Variants in SCUBE1 observed in about 807,000 individuals in gnomAD.
SCUBE1 encodes the protein signal peptide, CUB domain and EGF like domain containing 1, also known as signal peptide, CUB and EGF-like domain-containing protein 1.
Under a neutral mutation model 124.4 loss-of-function variants are expected in SCUBE1, and 59 were observed. That is an observed-to-expected ratio of 0.47 (90% CI 0.38 to 0.59). The LOEUF is 0.59. SCUBE1 is among the 20% of genes least tolerant of loss of function. The pLI, the probability that SCUBE1 is intolerant of heterozygous loss-of-function variation, is 0.00. For missense variants in SCUBE1, 1,150 were observed against 1,371.2 expected, an observed-to-expected ratio of 0.84 and a Z score of 2.55; for synonymous variants, 545 against 550.9, an observed-to-expected ratio of 0.99 and a Z score of 0.15.
At position 43,210,226 on chromosome 22, in the gene SCUBE1, C is replaced by T. The variant is rs1212722107; in HGVS notation, c.2398G>A (p.Gly800Ser). ...VTHCKNQHCG[G>S]ELGDYTGYIE... ...TAGCCGGTGTAGTCACCAAGCTCGC[C>T]GCCGCAGTGCTGGTCTGTGGGCACA... The change falls in exon 19 of 22, where the codon GGC becomes AGC. Residue 800 changes from glycine (G) to serine (S), a missense_variant. By Grantham distance (56) the Gly-to-Ser change is moderately conservative (BLOSUM62 0). This residue lies in a region of SCUBE1 where 757 missense variants were observed against 840.9 expected (regional missense o/e 0.90). Coordinates refer to ENST00000360835, the MANE Select transcript of SCUBE1 (RefSeq NM_173050.5). This position sits in a 1 kb window ranked among gnomAD's most constrained non-coding sequence, Gnocchi z 4.5. 20 of 1,555,276 alleles carry T rather than the reference C, an allele frequency of 1.3e-5. No individual in the cohort carries two copies. The highest frequency in any genetic ancestry group is 6.9e-5 in the East Asian group (3 of 43,180).
rs565335243 is a variant in SCUBE1 at position 43,251,087 on chromosome 22, C to G, written c.727+7132G>C. Among the ~76,000 whole-genome samples, 4 of 152,288 alleles carry G rather than the reference C, an allele frequency of 2.6e-5. No individual in the cohort carries two copies. The South Asian group carries it at 8.3e-4, about 32-fold the overall frequency. On this transcript the variant is annotated intron_variant, in intron 6 of 21. Coordinates refer to ENST00000360835, the MANE Select transcript of SCUBE1 (RefSeq NM_173050.5). ...TCACTGGAAAGCTGCCTGGAAAGTC[C>G]CTTGCAAACTCTAGAGGGGTTGAGC...
At chr22:43,272,876 C>T (rs1033007623) in intron 4 of SCUBE1, among the ~76,000 whole-genome samples, 5 of 152,208 alleles carry the variant, frequency 3.3e-5, no homozygotes, top group Admixed American at 1.3e-4. Context: ...CTGAAGCCCA[C>T]GAGACAGTGA....
At chr22:43,321,742 GT>G (rs1926562594) in intron 2 of SCUBE1, among the ~76,000 whole-genome samples, 2 of 152,108 alleles carry the variant, frequency 1.3e-5, no homozygotes, top group Non-Finnish European at 2.9e-5. Flanking sequence ...ATTTGAATTG[GT>G]TTGTTTTGTT....
intron 3 of SCUBE1, among the ~76,000 whole-genome samples, chr22:43,317,697 A>G (rs977038025): frequency 6.6e-6 from 1 of 152,206 alleles, no homozygotes; most frequent in African/African-American, 2.4e-5. Flanking sequence ...CCATGACAAG[A>G]TATTGTTCTT....
At chr22:43,241,633 C>T (rs989939585) in intron 6 of SCUBE1, among the ~76,000 whole-genome samples, 2 of 152,154 alleles carry the variant, frequency 1.3e-5, no homozygotes, top group East Asian at 1.9e-4. Context: ...AAGCCGAAGA[C>T]GAGGAGCCCC....
At chr22:43,300,007 T>A (rs1041596747) in intron 3 of SCUBE1, among the ~76,000 whole-genome samples, 3 of 152,244 alleles carry the variant, frequency 2.0e-5, no homozygotes, top group African/African-American at 4.8e-5. Flanking sequence ...ACAGACCACA[T>A]TTCATGTATC....
chr22:43,221,898 T>C (rs1922106210), intron 12 of SCUBE1, among the ~76,000 whole-genome samples: 1 of 152,116 alleles, frequency 6.6e-6, no homozygotes, highest in East Asian at 1.9e-4. Context: ...ACCATGTCTC[T>C]ACTAAAAATA....
In SCUBE1 at chr22:43,198,495, T is replaced by C. The variant is rs1411348039; in HGVS notation, c.*5502A>G. The C allele has an allele frequency of 2.2e-6, 1 of 453,744 alleles. No individual in the cohort carries two copies. Among genetic ancestry groups the C allele is most frequent in the Admixed American group, 2.4e-5 (1 of 42,480 alleles). 28.1% of individuals were successfully genotyped at this position (453,744 alleles called of 1,614,324 possible). ...TACTCCTGGAAGGGCCAGGGATCTG[T>C]GGGTGCTGTGGGGGCAGAGGCAGCC... On this transcript the variant is annotated 3_prime_UTR_variant, in exon 22 of 22. Transcript: ENST00000360835.
In SCUBE1 at chr22:43,234,796, A is replaced by G. The variant is rs925890776; in HGVS notation, c.845-2921T>C. Among the ~76,000 whole-genome samples, 8 of 152,060 alleles carry G rather than the reference A, an allele frequency of 5.3e-5. No homozygotes were observed. Among genetic ancestry groups the G allele is most frequent in the Non-Finnish European group, 1.2e-4 (8 of 67,976 alleles). On this transcript the variant is annotated intron_variant, in intron 7 of 21. Transcript: ENST00000360835. This position sits in a 1 kb window ranked among gnomAD's most constrained non-coding sequence, Gnocchi z 4.4. ...GCATTCTGAGGCTCCTGAGTCTGCT[A>G]GGATGTGGGCCCTCCCTCTGCAGAG... is the stretch of plus-strand genomic sequence containing the variant.
At chr22:43,337,540 T>G (rs1927124279) in intron 2 of SCUBE1, among the ~76,000 whole-genome samples, 1 of 152,190 alleles carries the variant, frequency 6.6e-6, no homozygotes. Flanking sequence ...CCCACCAGGC[T>G]TCTCACTCAT....
At chr22:43,319,295 G>C (rs1017088499) in intron 3 of SCUBE1, among the ~76,000 whole-genome samples, 2 of 152,136 alleles carry the variant, frequency 1.3e-5, no homozygotes, top group African/African-American at 4.8e-5. Context: ...GGCCGGGCAA[G>C]GTGGCTCACG....
At chr22:43,302,246 G>T (rs1292247306) in intron 3 of SCUBE1, among the ~76,000 whole-genome samples, 3 of 152,212 alleles carry the variant, frequency 2.0e-5, no homozygotes, top group Non-Finnish European at 4.4e-5. Flanking sequence ...ATCCATGTTG[G>T]GGGGCCTCAG....
At position 43,222,684 on chromosome 22, in the gene SCUBE1, C is replaced by T. The variant is rs1922143806; in HGVS notation, c.1386G>A (p.Leu462=). 6 of 1,605,760 alleles carry T rather than the reference C, an allele frequency of 3.7e-6. No homozygotes were observed. The highest frequency in any genetic ancestry group is 5.1e-6 in the Non-Finnish European group (6 of 1,176,724). Residue 462 remains leucine (L), a synonymous_variant, in exon 12 of 22, where the codon CTG becomes CTA. Coordinates refer to ENST00000360835, the MANE Select transcript of SCUBE1 (RefSeq NM_173050.5). ...CAGAGCTGGTGCCGTTGCGTTTCTG[C>T]AGCGCCTTGCCCTGCGGCCCTGGAA... The part of the protein sequence containing the change: ...CGVPGPQGKA[L]QKRNGTSSGL...
chr22:43,201,100 G>A lies in SCUBE1; in HGVS notation c.*2897C>T, dbSNP rs1177694192. On this transcript the variant is annotated 3_prime_UTR_variant, in exon 22 of 22. Transcript: ENST00000360835. ...GGGCGGATCACGAGGTCAGGAGATC[G>A]AGACCATCCTGGCTAATATGGTGAA... The A allele has an allele frequency of 6.6e-6, 1 of 151,856 alleles. No homozygotes were observed. The highest frequency in any genetic ancestry group is 6.6e-5 in the Admixed American group (1 of 15,250). 9.4% of individuals were successfully genotyped at this position (151,856 alleles called of 1,614,324 possible).
At chr22:43,304,056 G>A (rs1055388259) in intron 3 of SCUBE1, among the ~76,000 whole-genome samples, 2 of 152,122 alleles carry the variant, frequency 1.3e-5, no homozygotes, top group East Asian at 1.9e-4. Context: ...GGGCAGCTAC[G>A]GCCCTTTTCA....
chr22:43,321,073 G>A (rs1353499348), intron 2 of SCUBE1, among the ~76,000 whole-genome samples: 1 of 152,216 alleles, frequency 6.6e-6, no homozygotes, highest in Admixed American at 6.5e-5. Flanking sequence ...GAGAGAGGAG[G>A]GCCGGAAGTG....
At chr22:43,214,314 T>G in intron 15 of SCUBE1, 63 bp from the exon 16 acceptor site, 9 of 1,513,950 alleles carry the variant, frequency 5.9e-6, no homozygotes, top group African/African-American at 1.4e-5. Flanking sequence ...GTGTCTCCTG[T>G]GTGCTCAAGC....
At chr22:43,217,380 C>T (rs1364924215) in intron 15 of SCUBE1, among the ~76,000 whole-genome samples, 1 of 150,530 alleles carries the variant, frequency 6.6e-6, no homozygotes, top group Non-Finnish European at 1.5e-5. Flanking sequence ...TTCCTCAAAT[C>T]CTTGGGGATT....
chr22:43,199,987 G>GA lies in SCUBE1; in HGVS notation c.*4009_*4010insT, dbSNP rs1183352885. The GA allele has an allele frequency of 6.6e-6, 1 of 152,274 alleles. No individual in the cohort carries two copies. Among genetic ancestry groups the GA allele is most frequent in the African/African-American group, 2.4e-5 (1 of 41,448 alleles). 9.4% of individuals were successfully genotyped at this position (152,274 alleles called of 1,614,324 possible). A position where few individuals can be genotyped will look rare whatever the true frequency, so the allele number is the denominator to read the frequency against. ...CCTTCCCTTCCCGTGGCTTGTTTCT[G>GA]GAAAGTAGAAATAAACTTGGGGGGA... On this transcript the variant is annotated 3_prime_UTR_variant, in exon 22 of 22. Coordinates refer to ENST00000360835, the MANE Select transcript of SCUBE1 (RefSeq NM_173050.5).
Sources: allele counts gnomAD v4.1 joint callset (sites outside exome capture counted in the v4.1 genomes callset), GRCh38; gene constraint gnomAD v4.1.1; regional missense constraint gnomAD v4.1.1; non-coding constraint Gnocchi (gnomAD v3.1); transcripts MANE v1.5; gene names NCBI Gene and HGNC (gene_info 2026-07-23, HGNC 2026-07-21).